The following AKAP9 variants were observed in gnomAD, a reference collection of about 807,000 sequenced individuals.
AKAP9 encodes A-kinase anchor protein 9.
Under a neutral mutation model 488.5 loss-of-function variants are expected in AKAP9, and 311 were observed. The ratio of observed to expected loss-of-function variants is 0.64; its 90% CI spans 0.58 to 0.70. The LOEUF is 0.70. Among genes scored for constraint, AKAP9 ranks in the 30% least tolerant of loss-of-function variants. The pLI is 0.00. For missense variants in AKAP9, 4,215 were observed against 4,374.5 expected (o/e 0.96, Z 1.03); for synonymous variants, 1,462 against 1,483.5 (o/e 0.99, Z 0.33).
intron 4 of AKAP9, 114 bp from the exon 5 acceptor site, chr7:91,992,771 C>T: frequency 1.0e-6 from 1 of 970,976 alleles, no homozygotes; most frequent in East Asian, 2.7e-5. Context: ...CCATAATCTT[C>T]CAGGTGGTGA....
chr7:92,006,075 G>A (rs1799809653), intron 8 of AKAP9, among the ~76,000 whole-genome samples: 1 of 152,096 alleles, frequency 6.6e-6, no homozygotes, highest in South Asian at 2.1e-4. Flanking sequence ...AAATTTTTTA[G>A]GAAGCATTTT....
At chr7:91,941,453 A>G (rs1266389649) in intron 1 of AKAP9, among the ~76,000 whole-genome samples, 1 of 152,088 alleles carries the variant, frequency 6.6e-6, no homozygotes, top group African/African-American at 2.4e-5. Context: ...AGTTGCTTCT[A>G]AACCTCCGAT....
At chr7:92,056,320 G>A (rs889455784) in intron 22 of AKAP9, among the ~76,000 whole-genome samples, 4 of 151,860 alleles carry the variant, frequency 2.6e-5, no homozygotes, top group African/African-American at 9.7e-5. Flanking sequence ...ACAAACTGTA[G>A]TTTGCAGAGG....
intron 21 of AKAP9, among the ~76,000 whole-genome samples, chr7:92,049,679 A>G (rs573552561): frequency 1.1e-3 from 161 of 152,182 alleles, no homozygotes; most frequent in African/African-American, 3.7e-3. Flanking sequence ...TCATATTTCT[A>G]TTTTATAGGA....
rs377251360 is a variant in AKAP9, at chr7:92,022,795, G to A, written c.3953-19G>A. Reference sequence around the variant, plus strand: ...ACTTATATTGAAATGTGCATTTTTTGTCTCTTTATATAACATAGATGTCAA... The same window carrying A: ...ACTTATATTGAAATGTGCATTTTTTATCTCTTTATATAACATAGATGTCAA... On this transcript the variant is annotated intron_variant, in intron 13 of 49. Coordinates refer to ENST00000356239, the MANE Select transcript of AKAP9 (RefSeq NM_005751.5). 172 of 1,486,684 alleles carry A rather than the reference G, an allele frequency of 1.2e-4. 1 individual carries two copies. Among genetic ancestry groups the A allele is most frequent in the Non-Finnish European group, 1.5e-4 (162 of 1,073,046 alleles). 92.1% of individuals were successfully genotyped at this position (1,486,684 alleles called of 1,614,324 possible). A position where few individuals can be genotyped will look rare whatever the true frequency, so the allele number is the denominator to read the frequency against.
At chr7:91,953,096 G>A (rs1206248265) in intron 1 of AKAP9, among the ~76,000 whole-genome samples, 1 of 152,200 alleles carries the variant, frequency 6.6e-6, no homozygotes, top group Non-Finnish European at 1.5e-5. Flanking sequence ...CATTTACGAG[G>A]CTGTTGAAAG....
In AKAP9 at chr7:92,065,283, T is replaced by A; in HGVS notation, c.6030T>A (p.Cys2010Ter). Residue 2010 changes from cysteine to a stop codon, truncating the protein, a stop_gained, in exon 25 of 50, where the codon TGT (cysteine) becomes TGA (stop). Transcript: ENST00000356239. LOFTEE classifies it high-confidence loss of function. ...TGAAGGAAAAACTAGAAGTACAATG[T>A]CAAGCTGAAAAAGTACGTGATGACC... ...KLMKEKLEVQCQAEKVRDDLQ... is the reference protein window; with the variant it reads ...KLMKEKLEVQ 6.2e-7 allele frequency: 1 copy of A among 1,612,882 alleles called. No individual in the cohort carries two copies. Among genetic ancestry groups the A allele is most frequent in the Non-Finnish European group, 8.5e-7 (1 of 1,179,382 alleles).
chr7:92,035,696 C>T (rs1805080540), intron 16 of AKAP9, among the ~76,000 whole-genome samples: 1 of 152,180 alleles, frequency 6.6e-6, no homozygotes, highest in African/African-American at 2.4e-5. Flanking sequence ...TACAAATCAC[C>T]TAAGTTTTGA....
At position 91,940,914 on chromosome 7, in the gene AKAP9, C is replaced by G. The variant is rs1194177735; in HGVS notation, c.-186C>G. ...CGGCGGCGGCGGTGACGGCGCTTCC[C>G]GTGCGGCTGAGGACGATCCGCCAGT... On this transcript the variant is annotated 5_prime_UTR_variant, in exon 1 of 50. Coordinates refer to ENST00000356239, the MANE Select transcript of AKAP9 (RefSeq NM_005751.5). The G allele has an allele frequency of 9.1e-6, 6 of 657,678 alleles. 1 individual carries two copies. Among genetic ancestry groups the G allele is most frequent in the South Asian group, 7.2e-5 (4 of 55,872 alleles). The allele number at this position is 657,678 out of a possible 1,614,324, so 40.7% of individuals were successfully genotyped here. A position where few individuals can be genotyped will look rare whatever the true frequency, so the allele number is the denominator to read the frequency against.
At chr7:91,996,473 G>C (rs1437537021) in intron 7 of AKAP9, among the ~76,000 whole-genome samples, 2 of 152,140 alleles carry the variant, frequency 1.3e-5, no homozygotes, top group Non-Finnish European at 2.9e-5. Flanking sequence ...AGTTGCCCCA[G>C]AGCTGGAGCT....
intron 15 of AKAP9, among the ~76,000 whole-genome samples, chr7:92,030,917 T>A (rs1804130779): frequency 6.6e-6 from 1 of 152,154 alleles, no homozygotes; most frequent in South Asian, 2.1e-4. Context: ...AAAAGTAAGA[T>A]CATCGTTCTT....
intron 40 of AKAP9, among the ~76,000 whole-genome samples, chr7:92,095,642 C>G (rs1816439114): frequency 6.6e-6 from 1 of 152,152 alleles, no homozygotes; most frequent in Non-Finnish European, 1.5e-5. Flanking sequence ...CTTTGAGTAT[C>G]TGCTTTTAAT....
At chr7:92,019,783 C>T (rs1394038543) in intron 12 of AKAP9, among the ~76,000 whole-genome samples, 2 of 151,594 alleles carry the variant, frequency 1.3e-5, no homozygotes, top group East Asian at 1.9e-4. Context: ...CAAGGTGGGC[C>T]GATCACCTGA....
intron 14 of AKAP9, among the ~76,000 whole-genome samples, chr7:92,023,256 T>C (rs926357212): frequency 1.3e-5 from 2 of 152,228 alleles, no homozygotes; most frequent in Non-Finnish European, 2.9e-5. Flanking sequence ...AGATGTTGGT[T>C]GTTGTTAATC....
At chr7:92,054,840 A>G (rs1220094563) in intron 22 of AKAP9, among the ~76,000 whole-genome samples, 2 of 151,980 alleles carry the variant, frequency 1.3e-5, no homozygotes, top group Non-Finnish European at 2.9e-5. Context: ...GATAGTATGA[A>G]AAAGAATGCT....
rs530736044 is a variant in AKAP9, at chr7:92,050,981, A to G, written c.5369-1745A>G. ...GTCTTCTCCAACCTGTGCTTTCTCA[A>G]TTTTTTCTCCTTTAACTTACCTCTG... On this transcript the variant is annotated intron_variant, in intron 21 of 49. Coordinates refer to ENST00000356239, the MANE Select transcript of AKAP9 (RefSeq NM_005751.5). Among the ~76,000 whole-genome samples the G allele has an allele frequency of 4.0e-5, 6 of 151,860 alleles. No individual in the cohort carries two copies. In the South Asian group the frequency reaches 1.3e-3, roughly 32 times the overall value.
At chr7:92,048,909 T>C (rs1044889363) in intron 21 of AKAP9, among the ~76,000 whole-genome samples, 1 of 152,116 alleles carries the variant, frequency 6.6e-6, no homozygotes, top group African/African-American at 2.4e-5. Flanking sequence ...TTCTAGTTCA[T>C]TGTGATATTG....
chr7:92,030,087 G>A (rs1187388228), intron 15 of AKAP9, 96 bp downstream of exon 15: 71 of 848,462 alleles, frequency 8.4e-5, no homozygotes, highest in Non-Finnish European at 1.3e-4. Flanking sequence ...TAGTTGCTGA[G>A]AAGTAAGCAT....
chr7:92,049,362 A>G (rs1289563375), intron 21 of AKAP9, among the ~76,000 whole-genome samples: 1 of 152,190 alleles, frequency 6.6e-6, no homozygotes, highest in Non-Finnish European at 1.5e-5. Flanking sequence ...CTGTAATCGC[A>G]GCACTTTGGG....
Sources: gnomAD v4.1 joint callset for allele counts (sites outside exome capture counted in the v4.1 genomes callset) on GRCh38, gnomAD v4.1.1 for gene constraint, MANE v1.5 for transcripts, NCBI Gene and HGNC (gene_info 2026-07-23, HGNC 2026-07-21) for gene names.